Variants in TM2D1 observed in about 807,000 individuals in gnomAD.
TM2D1 encodes TM2 domain containing 1.
Under a neutral mutation model 28.4 loss-of-function variants are expected in TM2D1, and 15 were observed. The ratio of observed to expected loss-of-function variants is 0.53; its 90% CI spans 0.35 to 0.81. TM2D1 has a LOEUF of 0.81. TM2D1 is among the 40% of genes least tolerant of loss of function. The pLI is 0.01. For missense variants in TM2D1, 236 were observed against 254.9 expected, an observed-to-expected ratio of 0.93 and a Z score of 0.50; for synonymous variants, 93 against 96.2, an observed-to-expected ratio of 0.97 and a Z score of 0.20.
chr1:61,717,412 G>A (rs1314560633), intron 2 of TM2D1, among the ~76,000 whole-genome samples: 2 of 151,748 alleles, frequency 1.3e-5, no homozygotes, highest in Non-Finnish European at 2.9e-5. Flanking sequence ...TTACCTAGTA[G>A]ACAAAATTAA....
At chr1:61,722,045 G>A (rs1275730176) in intron 2 of TM2D1, among the ~76,000 whole-genome samples, 1 of 151,590 alleles carries the variant, frequency 6.6e-6, no homozygotes, top group Non-Finnish European at 1.5e-5. Context: ...GCCCAGGCAG[G>A]CAGATTGCTT....
At chr1:61,691,938 T>TATATATATAC (rs1557527332) in intron 5 of TM2D1, among the ~76,000 whole-genome samples, 2 of 86,652 alleles carry the variant, frequency 2.3e-5, no homozygotes, top group African/African-American at 5.3e-5. Flanking sequence ...AAAAAATATA[T>TATATATATAC]ATATATATAT....
intron 5 of TM2D1, among the ~76,000 whole-genome samples, chr1:61,693,230 C>T (rs1300997198): frequency 6.6e-6 from 1 of 151,924 alleles, no homozygotes; most frequent in Non-Finnish European, 1.5e-5. Context: ...ACAGTGAGAC[C>T]CTGTCTCAAA....
At chr1:61,717,223 C>T (rs1644528962) in intron 2 of TM2D1, among the ~76,000 whole-genome samples, 1 of 151,796 alleles carries the variant, frequency 6.6e-6, no homozygotes, top group Admixed American at 6.6e-5. Context: ...AAACAATTAG[C>T]CGGGCGTGGT....
At chr1:61,696,568 A>C (rs879169698) in intron 4 of TM2D1, among the ~76,000 whole-genome samples, 5 of 151,922 alleles carry the variant, frequency 3.3e-5, no homozygotes, top group African/African-American at 1.2e-4. Context: ...AGAAAGAAAG[A>C]AGAAAAAGAG....
At chr1:61,716,497 TTATA>T (rs1047885749) in intron 2 of TM2D1, among the ~76,000 whole-genome samples, 32 of 145,446 alleles carry the variant, frequency 2.2e-4, no homozygotes, top group Non-Finnish European at 3.9e-4. Flanking sequence ...ACGTATATAA[TTATA>T]TATAATTTTA....
chr1:61,709,648 A>G (rs557993664), intron 2 of TM2D1, among the ~76,000 whole-genome samples: 3 of 152,352 alleles, frequency 2.0e-5, no homozygotes, highest in East Asian at 1.9e-4. Flanking sequence ...ACACAAAAAT[A>G]TAAGAGTTGC....
intron 4 of TM2D1, chr1:61,696,290 G>C (rs1214548861): frequency 6.6e-6 from 1 of 152,194 alleles, no homozygotes; most frequent in Non-Finnish European, 1.5e-5. Flanking sequence ...TATAATCCCA[G>C]CACTTTGGGA....
intron 5 of TM2D1, among the ~76,000 whole-genome samples, chr1:61,690,935 A>G (rs1277010033): frequency 6.6e-6 from 1 of 152,154 alleles, no homozygotes; most frequent in East Asian, 1.9e-4. Context: ...TTGTATGGTT[A>G]TTAGTTCTTT....
At chr1:61,707,895 G>A (rs1262110772) in intron 3 of TM2D1, among the ~76,000 whole-genome samples, 1 of 151,954 alleles carries the variant, frequency 6.6e-6, no homozygotes, top group Non-Finnish European at 1.5e-5. Context: ...CCAAAACTAA[G>A]TGCCATCAAA....
intron 3 of TM2D1, among the ~76,000 whole-genome samples, chr1:61,704,095 G>C (rs1644424074): frequency 6.6e-6 from 1 of 151,970 alleles, no homozygotes; most frequent in Admixed American, 6.6e-5. Flanking sequence ...TCACCATGTT[G>C]TCCAGGCTGG....
intron 5 of TM2D1, among the ~76,000 whole-genome samples, chr1:61,690,675 T>G (rs1387909105): frequency 6.6e-6 from 1 of 152,186 alleles, no homozygotes; most frequent in Non-Finnish European, 1.5e-5. Flanking sequence ...GCAAAAATTT[T>G]TAAGGGCATA....
chr1:61,698,510 A>T (rs1447890170), intron 4 of TM2D1: 1 of 151,604 alleles, frequency 6.6e-6, no homozygotes, highest in African/African-American at 2.4e-5. Context: ...GTGAGCCAAG[A>T]TCGCACCATT....
At chr1:61,686,658 C>G (rs2148033213) in intron 5 of TM2D1, 1 of 357,068 alleles carries the variant, frequency 2.8e-6, no homozygotes, top group Non-Finnish European at 3.9e-6. Flanking sequence ...GAGTGAGGCT[C>G]TATCTCAAAG....
chr1:61,705,044 A>G (rs904904627), intron 3 of TM2D1, among the ~76,000 whole-genome samples: 2 of 152,256 alleles, frequency 1.3e-5, no homozygotes, highest in Admixed American at 6.5e-5. Context: ...TGCATTAGAC[A>G]GAAAATCTTG....
chr1:61,713,976 A>G (rs528804589), intron 2 of TM2D1, among the ~76,000 whole-genome samples: 28 of 145,930 alleles, frequency 1.9e-4, no homozygotes, highest in African/African-American at 6.8e-4. Flanking sequence ...GCTCACTGCA[A>G]GCTCCGCTTC....
At chr1:61,716,179 C>T (rs901488820) in intron 2 of TM2D1, among the ~76,000 whole-genome samples, 1 of 150,952 alleles carries the variant, frequency 6.6e-6, no homozygotes, top group Non-Finnish European at 1.5e-5. Flanking sequence ...ATTAGCCAGG[C>T]ATGGTGGCAT....
Position 61,710,503 on chromosome 1 carries a change from T to C in TM2D1, c.239-1066A>G, listed in dbSNP as rs7415762. ...ACACACACACACACATATACACACA[T>C]ACACACACACACACACACACACACA... On this transcript the variant is annotated intron_variant, in intron 2 of 6. Coordinates refer to ENST00000606498, the MANE Select transcript of TM2D1 (RefSeq NM_032027.3). 3.9e-3 allele frequency among the ~76,000 whole-genome samples: 489 copies of C among 126,666 alleles called. 4 individuals carry two copies. Among genetic ancestry groups the C allele is most frequent in the African/African-American group, 0.013 (452 of 34,928 alleles). 83.1% of individuals were successfully genotyped at this position (126,666 alleles called of 152,430 possible). A position where few individuals can be genotyped will look rare whatever the true frequency, so the allele number is the denominator to read the frequency against.
chr1:61,721,935 C>A (rs112797017), intron 2 of TM2D1, among the ~76,000 whole-genome samples: 159 of 135,668 alleles, frequency 1.2e-3, no homozygotes, highest in African/African-American at 4.3e-3. Flanking sequence ...TATAGGGAGA[C>A]CCTCATCTCT....
Sources: allele counts gnomAD v4.1 joint callset (sites outside exome capture counted in the v4.1 genomes callset), GRCh38; gene constraint gnomAD v4.1.1; transcripts MANE v1.5; gene names NCBI Gene and HGNC (gene_info 2026-07-23, HGNC 2026-07-21).